FYCO1: variants seen among roughly 807,000 people sequenced by gnomAD.
FYCO1 encodes FYVE and coiled-coil domain-containing protein 1.
Under a neutral mutation model 165.1 loss-of-function variants are expected in FYCO1, and 122 were observed. The observed-to-expected ratio is 0.74, with a 90% CI of 0.64 to 0.86. The LOEUF (loss-of-function observed/expected upper bound fraction) is 0.86, where lower values mean the gene tolerates loss of function less well. FYCO1 is among the 40% of genes least tolerant of loss of function. The pLI is 0.00. For synonymous variants in FYCO1, 648 were observed against 742.5 expected (o/e 0.87, Z 2.07); for missense variants, 1,702 against 1,810.3 (o/e 0.94, Z 1.09).
chr3:45,925,073 G>A (rs1403999395), intron 16 of FYCO1, among the ~76,000 whole-genome samples: 1 of 152,002 alleles, frequency 6.6e-6, no homozygotes, highest in African/African-American at 2.4e-5. Context: ...AGGATTACAG[G>A]TGTACACCAA....
At chr3:45,948,853 T>C (rs1559450790) in intron 14 of FYCO1, among the ~76,000 whole-genome samples, 2 of 152,222 alleles carry the variant, frequency 1.3e-5, no homozygotes, top group African/African-American at 2.4e-5. Context: ...TCTGAGCACC[T>C]GTTTCCTTTC....
chr3:45,925,544 G>A (rs978258814), intron 16 of FYCO1, among the ~76,000 whole-genome samples: 1 of 152,136 alleles, frequency 6.6e-6, no homozygotes, highest in Non-Finnish European at 1.5e-5. Context: ...CAAAATAGTT[G>A]TTAATATAAG....
In FYCO1 at chr3:45,918,756, T is replaced by C. The variant is rs1702994973; in HGVS notation, c.*3009A>G. The C allele has an allele frequency of 6.6e-6, 1 of 152,222 alleles. No homozygotes were observed. Among genetic ancestry groups the C allele is most frequent in the Non-Finnish European group, 1.5e-5 (1 of 68,038 alleles). 9.4% of individuals were successfully genotyped at this position (152,222 alleles called of 1,614,324 possible). A position where few individuals can be genotyped will look rare whatever the true frequency, so the allele number is the denominator to read the frequency against. ...AAACACCATTTATTCTTGAGTTATA[T>C]GACGTGGCTTTTCATTTCTATTCTC... On this transcript the variant is annotated 3_prime_UTR_variant, in exon 18 of 18. Transcript: ENST00000296137.
intron 16 of FYCO1, among the ~76,000 whole-genome samples, chr3:45,927,700 C>T (rs984725659): frequency 1.3e-5 from 2 of 152,176 alleles, no homozygotes; most frequent in South Asian, 2.1e-4. Context: ...CTAAGGATCC[C>T]GGGAGAGTGA....
At chr3:45,923,889 G>T in intron 16 of FYCO1, 124 bp from the exon 17 acceptor site, 1 of 734,344 alleles carries the variant, frequency 1.4e-6, no homozygotes, top group Non-Finnish European at 2.5e-6. Flanking sequence ...CAGATGAGCA[G>T]AGCCGGAGCT....
At chr3:45,936,730 C>A (rs1703913024) in intron 14 of FYCO1, among the ~76,000 whole-genome samples, 187 bp from the exon 15 acceptor site, 1 of 152,062 alleles carries the variant, frequency 6.6e-6, no homozygotes. Flanking sequence ...GGGGCCAGGG[C>A]CAAGCAGGTG....
intron 1 of FYCO1, among the ~76,000 whole-genome samples, chr3:45,988,225 C>T (rs1707396240): frequency 6.6e-6 from 1 of 152,196 alleles, no homozygotes; most frequent in African/African-American, 2.4e-5. Context: ...CCATAGAGAA[C>T]ATGGTCACCA....
Position 45,962,283 on chromosome 3 carries a change from G to A in FYCO1, c.3379C>T (p.Leu1127=). The stretch of plus-strand genomic sequence containing the variant: ...TTCTTGGTTCTGTTGAGGTCATCCA[G>A]GTCAGCAAGCATCTTCTGGTCATTC... The part of the protein sequence containing the change: ...ERNDQKMLAD[L]DDLNRTKKYL... The change falls in exon 11 of 18, where the codon CTG becomes TTG. Residue 1127 remains leucine, a synonymous_variant. Transcript: ENST00000296137. This position sits in a 1 kb window ranked among gnomAD's most constrained non-coding sequence, Gnocchi z 4.4. 6.2e-7 allele frequency: 1 copy of A among 1,614,210 alleles called. No homozygotes were observed. The highest frequency in any genetic ancestry group is 8.5e-7 in the Non-Finnish European group (1 of 1,180,034).
chr3:45,942,742 A>C (rs1396717621), intron 14 of FYCO1, among the ~76,000 whole-genome samples: 2 of 152,224 alleles, frequency 1.3e-5, no homozygotes, highest in African/African-American at 4.8e-5. Flanking sequence ...CAAAGTAGTC[A>C]ACATCTGGGG....
chr3:45,988,659 C>T (rs966833324), intron 1 of FYCO1, among the ~76,000 whole-genome samples: 5 of 152,082 alleles, frequency 3.3e-5, no homozygotes, highest in Non-Finnish European at 4.4e-5. Context: ...CAGAGAAATG[C>T]GTTTTATAAA....
chr3:45,954,782 C>T (rs902116411), intron 14 of FYCO1, among the ~76,000 whole-genome samples: 3 of 152,126 alleles, frequency 2.0e-5, no homozygotes, highest in Admixed American at 6.5e-5. Flanking sequence ...GGAGACACAC[C>T]AGGGGCATGC....
intron 14 of FYCO1, chr3:45,947,661 C>T: frequency 1.5e-6 from 1 of 655,642 alleles, no homozygotes; most frequent in Non-Finnish European, 2.7e-6. Context: ...TCTTCTCAGG[C>T]ATGAACATGT....
chr3:45,952,017 T>C (rs537220320), intron 14 of FYCO1, among the ~76,000 whole-genome samples: 1 of 152,316 alleles, frequency 6.6e-6, no homozygotes, highest in South Asian at 2.1e-4. Context: ...CTTAAGCCAG[T>C]GGACTGGAGT....
intron 14 of FYCO1, chr3:45,946,894 ACAAC>A (rs1343422008): frequency 6.2e-7 from 1 of 1,614,266 alleles, no homozygotes; most frequent in Non-Finnish European, 8.5e-7. Context: ...ACCAAGGCCT[ACAAC>A]CAGCAAGCCA....
chr3:45,977,114 G>C (rs578218194), intron 4 of FYCO1, among the ~76,000 whole-genome samples: 1 of 152,070 alleles, frequency 6.6e-6, no homozygotes, highest in Non-Finnish European at 1.5e-5. Flanking sequence ...AATTCAGGCC[G>C]TTGGAAAGAG....
In FYCO1 at chr3:45,984,922, C is replaced by G. The variant is rs753528915; in HGVS notation, c.-12G>C. 11 of 1,613,964 alleles carry G rather than the reference C, an allele frequency of 6.8e-6. No individual in the cohort carries two copies. The highest frequency in any genetic ancestry group is 9.3e-6 in the Non-Finnish European group (11 of 1,180,004). ...TTGGTGGAGGCCATGGTGAGTTTGC[C>G]TTTCTTGTCTGTATGTCTCCTGCCT... On this transcript the variant is annotated 5_prime_UTR_variant, in exon 2 of 18. Coordinates refer to ENST00000296137, the MANE Select transcript of FYCO1 (RefSeq NM_024513.4).
At chr3:45,970,108 T>C (rs986627103) in intron 6 of FYCO1, among the ~76,000 whole-genome samples, 1 of 152,200 alleles carries the variant, frequency 6.6e-6, no homozygotes, top group African/African-American at 2.4e-5. Context: ...GTTTGGTAAA[T>C]AAGAGTCACA....
chr3:45,933,979 T>C (rs1703761632), intron 15 of FYCO1, among the ~76,000 whole-genome samples: 1 of 150,614 alleles, frequency 6.6e-6, no homozygotes, highest in Admixed American at 6.6e-5. Flanking sequence ...ACTAAATAAT[T>C]ACAATAACCA....
At chr3:45,924,484 G>A (rs1051033429) in intron 16 of FYCO1, among the ~76,000 whole-genome samples, 6 of 152,182 alleles carry the variant, frequency 3.9e-5, no homozygotes, top group African/African-American at 7.2e-5. Flanking sequence ...GGGCTCAGAG[G>A]GAGGTCTTTG....
Sources: gnomAD v4.1 joint callset for allele counts (sites outside exome capture counted in the v4.1 genomes callset) on GRCh38, gnomAD v4.1.1 for gene constraint, Gnocchi (gnomAD v3.1) non-coding constraint, MANE v1.5 for transcripts, NCBI Gene and HGNC (gene_info 2026-07-23, HGNC 2026-07-21) for gene names.